The following PACRG variants were observed in gnomAD, a reference collection of about 807,000 sequenced individuals.
The protein encoded by PACRG is parkin coregulated gene protein.
PACRG carries 29 observed loss-of-function variants against 29.7 expected under a neutral mutation model. The observed-to-expected ratio is 0.98, with a 90% confidence interval of 0.73 to 1.33. PACRG has a LOEUF of 1.33. Among genes scored for constraint, PACRG ranks in the 40% most tolerant of loss-of-function variants. PACRG has a pLI of 0.00. For missense variants in PACRG, 279 were observed against 316.2 expected, an observed-to-expected ratio of 0.88 and a Z score of 0.89; for synonymous variants, 116 against 118.7, an observed-to-expected ratio of 0.98 and a Z score of 0.15.
chr6:163,283,845 GGCT>G (rs1349607042), intron 4 of PACRG, among the ~76,000 whole-genome samples: 1 of 151,998 alleles, frequency 6.6e-6, no homozygotes, highest in African/African-American at 2.4e-5. Flanking sequence ...CAGATGCGGT[GGCT>G]CACACCTGTG....
chr6:162,990,832 G>A (rs1283688274), intron 2 of PACRG, among the ~76,000 whole-genome samples: 1 of 132,530 alleles, frequency 7.5e-6, no homozygotes, highest in Admixed American at 7.2e-5. Flanking sequence ...GTCCTGAATG[G>A]TAATGCCTAG....
At chr6:162,770,250 A>G (rs1042805825) in intron 1 of PACRG, among the ~76,000 whole-genome samples, 1 of 152,178 alleles carries the variant, frequency 6.6e-6, no homozygotes, top group African/African-American at 2.4e-5. Flanking sequence ...TTCTATTTCA[A>G]TTGAAAATCT....
chr6:162,948,529 T>C (rs985780065), intron 2 of PACRG, among the ~76,000 whole-genome samples: 1 of 151,900 alleles, frequency 6.6e-6, no homozygotes, highest in South Asian at 2.1e-4. Context: ...AAACCAAAAA[T>C]AGACAAATTG....
rs146207577 is a variant in PACRG, at chr6:163,157,725, A to G, written c.613+68317A>G. On this transcript the variant is annotated intron_variant, in intron 4 of 4. Coordinates refer to ENST00000366888, the MANE Select transcript of PACRG (RefSeq NM_001080379.2). ...CAATGTTTCACTTTACTACACCACT[A>G]GTGAATTAAACGAAGCCACAAGCAC... 1.1e-4 allele frequency among the ~76,000 whole-genome samples: 17 copies of G among 152,338 alleles called. No homozygotes were observed. In the East Asian group the frequency reaches 3.3e-3, roughly 29 times the overall value.
chr6:163,029,026 C>T (rs1224666651), intron 2 of PACRG, among the ~76,000 whole-genome samples: 1 of 152,190 alleles, frequency 6.6e-6, no homozygotes, highest in Non-Finnish European at 1.5e-5. Flanking sequence ...GTGGGCTCAA[C>T]AGGAGCACAA....
At chr6:163,014,482 A>C (rs1805900069) in intron 2 of PACRG, among the ~76,000 whole-genome samples, 1 of 151,198 alleles carries the variant, frequency 6.6e-6, no homozygotes. Context: ...AACAGTGTAT[A>C]AGTGTTCCCT....
chr6:163,160,204 G>T (rs1288253881), intron 4 of PACRG, among the ~76,000 whole-genome samples: 1 of 152,122 alleles, frequency 6.6e-6, no homozygotes, highest in Non-Finnish European at 1.5e-5. Flanking sequence ...AATTTTGACA[G>T]TTAATGCTTC....
At chr6:163,078,663 A>AT (rs1195300009) in intron 3 of PACRG, among the ~76,000 whole-genome samples, 1 of 152,032 alleles carries the variant, frequency 6.6e-6, no homozygotes, top group East Asian at 1.9e-4. Context: ...TTACGGCAAC[A>AT]TTTTTTAGTC....
chr6:163,119,544 A>G (rs977059708), intron 4 of PACRG, among the ~76,000 whole-genome samples: 3 of 152,212 alleles, frequency 2.0e-5, no homozygotes, highest in African/African-American at 7.2e-5. Flanking sequence ...AACGTCATGC[A>G]GGAGTTGCTC....
At position 163,070,122 on chromosome 6, in the gene PACRG, G is replaced by A. The variant is rs1320065352; in HGVS notation, c.463+7801G>A. Among the ~76,000 whole-genome samples the A allele has an allele frequency of 3.3e-5, 5 of 152,178 alleles. No homozygotes were observed. In the East Asian group the frequency reaches 9.7e-4, roughly 29 times the overall value. ...TTTCCCAGAAAAACAGAAGCTGAGG[G>A]ATTTCATCAACACAAGACCTGTCCT... On this transcript the variant is annotated intron_variant, in intron 3 of 4. Transcript: ENST00000366888.
chr6:162,820,074 C>T (rs1253591064), intron 2 of PACRG, among the ~76,000 whole-genome samples: 1 of 152,174 alleles, frequency 6.6e-6, no homozygotes, highest in South Asian at 2.1e-4. Flanking sequence ...CCAATGACTA[C>T]TCATCCCTTA....
chr6:163,302,574 GTAT>G (rs1785045711), intron 4 of PACRG, among the ~76,000 whole-genome samples: 1 of 152,210 alleles, frequency 6.6e-6, no homozygotes, highest in African/African-American at 2.4e-5. Context: ...TTCATTAAAT[GTAT>G]TATGTTTGCA....
intron 4 of PACRG, among the ~76,000 whole-genome samples, chr6:163,291,080 C>A (rs946456048): frequency 1.3e-5 from 2 of 152,254 alleles, no homozygotes; most frequent in Non-Finnish European, 2.9e-5. Flanking sequence ...GCCCAGCGGC[C>A]TCTCCCTGAG....
chr6:162,873,058 A>G (rs1792964592), intron 2 of PACRG, among the ~76,000 whole-genome samples: 1 of 152,210 alleles, frequency 6.6e-6, no homozygotes, highest in Admixed American at 6.5e-5. Flanking sequence ...TGTAAGCCTA[A>G]CCCAGATGCC....
intron 4 of PACRG, among the ~76,000 whole-genome samples, chr6:163,177,711 T>C (rs1779440747): frequency 2.3e-5 from 1 of 44,338 alleles, no homozygotes; most frequent in African/African-American, 9.6e-5. Context: ...AGAAAAGGGA[T>C]TTTTTTTTTT....
At chr6:162,917,434 CCTT>C (rs1796769373) in intron 2 of PACRG, among the ~76,000 whole-genome samples, 1 of 152,112 alleles carries the variant, frequency 6.6e-6, no homozygotes, top group Non-Finnish European at 1.5e-5. Context: ...AAATACAACA[CCTT>C]CTGCAGGAAG....
intron 4 of PACRG, among the ~76,000 whole-genome samples, chr6:163,140,660 C>T (rs894373068): frequency 2.0e-5 from 3 of 151,916 alleles, no homozygotes; most frequent in Admixed American, 6.6e-5. Context: ...AATTTCCATG[C>T]TAAAAAAAGG....
At chr6:163,225,172 T>TAATATC in intron 4 of PACRG, among the ~76,000 whole-genome samples, 1 of 152,318 alleles carries the variant, frequency 6.6e-6, no homozygotes, top group African/African-American at 2.4e-5. Flanking sequence ...TTAGAATGGC[T>TAATATC]AATATCAAAA....
rs1179527655 is a variant in PACRG at position 163,091,318 on chromosome 6, T to G, written c.613+1910T>G. 5.9e-5 allele frequency among the ~76,000 whole-genome samples: 9 copies of G among 152,344 alleles called. No homozygotes were observed. The East Asian group carries it at 1.7e-3, about 29-fold the overall frequency. On this transcript the variant is annotated intron_variant, in intron 4 of 4. Coordinates refer to ENST00000366888, the MANE Select transcript of PACRG (RefSeq NM_001080379.2). ...CAATTGGTTTCTACTGCTTTCTCAT[T>G]ATAGTTTTTCTTTAAACCTTTAACT...
Sources: gnomAD v4.1 joint callset for allele counts (sites outside exome capture counted in the v4.1 genomes callset) on GRCh38, gnomAD v4.1.1 for gene constraint, MANE v1.5 for transcripts, NCBI Gene and HGNC (gene_info 2026-07-23, HGNC 2026-07-21) for gene names.